Variants in VPS37A observed in about 807,000 individuals in gnomAD.
VPS37A encodes vacuolar protein sorting-associated protein 37A.
In VPS37A, 30 loss-of-function variants were observed where a neutral mutation model predicts 49.8. That is an observed-to-expected ratio of 0.60 (90% CI 0.45 to 0.82). VPS37A has a LOEUF of 0.82. Ranked by LOEUF, VPS37A falls within the 40% of genes least tolerant of loss-of-function variation. The pLI is 0.00. For missense variants in VPS37A, 593 were observed against 464.4 expected (o/e 1.28, Z -2.55); for synonymous variants, 195 against 160.6 (o/e 1.21, Z -1.62).
At chr8:17,322,582 G>A in the VPS37A span, among the ~76,000 whole-genome samples, 1 of 152,184 alleles carries the variant, frequency 6.6e-6, no homozygotes, top group African/African-American at 2.4e-5. Context: ...AACTTTGGGA[G>A]GCCAAGGCAG....
At chr8:17,294,672 G>A (rs925215122) in intron 11 of VPS37A, among the ~76,000 whole-genome samples, 1 of 152,148 alleles carries the variant, frequency 6.6e-6, no homozygotes, top group African/African-American at 2.4e-5. Context: ...GGCTTCCCTT[G>A]GCTAGGGGAG....
chr8:17,274,279 A>T (rs1814288207), intron 4 of VPS37A, among the ~76,000 whole-genome samples: 1 of 152,252 alleles, frequency 6.6e-6, no homozygotes, highest in Non-Finnish European at 1.5e-5. Context: ...TTTTACTTCG[A>T]AATTTTCTAG....
In VPS37A at chr8:17,275,768, A is replaced by G. The variant is rs73669048; in HGVS notation, c.643-629A>G. The stretch of plus-strand genomic sequence containing the variant: ...ATATCACCCATAGCATTACTCAAGT[A>G]TGAAACCATAGTATATCCAACATTA... On this transcript the variant is annotated intron_variant, in intron 5 of 11. Coordinates refer to ENST00000324849, the MANE Select transcript of VPS37A (RefSeq NM_152415.3). Among the ~76,000 whole-genome samples, 1,065 of 152,324 alleles carry G rather than the reference A, an allele frequency of 7.0e-3. 22 individuals are homozygous for G. The highest frequency in any genetic ancestry group is 0.024 in the African/African-American group (1,009 of 41,568).
At chr8:17,291,960 T>A (rs1816198205) in intron 11 of VPS37A, among the ~76,000 whole-genome samples, 1 of 152,190 alleles carries the variant, frequency 6.6e-6, no homozygotes, top group African/African-American at 2.4e-5. Context: ...TGATTATGGG[T>A]GGATAGTTCT....
chr8:17,307,473 T>C, the VPS37A span, among the ~76,000 whole-genome samples: 14 of 152,112 alleles, frequency 9.2e-5, no homozygotes, highest in Non-Finnish European at 1.5e-4. Flanking sequence ...TGGAAGTCAG[T>C]GTGGCGATTC....
In VPS37A at chr8:17,271,800, G is replaced by A. The variant is rs534391534; in HGVS notation, c.416+2844G>A. 3.3e-5 allele frequency among the ~76,000 whole-genome samples: 5 copies of A among 152,294 alleles called. No individual in the cohort carries two copies. In the East Asian group the frequency reaches 5.8e-4, roughly 18 times the overall value. On this transcript the variant is annotated intron_variant, in intron 4 of 11. Coordinates refer to ENST00000324849, the MANE Select transcript of VPS37A (RefSeq NM_152415.3). ...GACAGCACTCTGAGGCTCTGCCTTG[G>A]CTCTTCCAGAGGTGTTAACAAAGGA...
downstream of VPS37A, chr8:17,302,559 C>G (rs73550094): frequency 0.016 from 4,652 of 285,588 alleles, 208 homozygotes; most frequent in African/African-American, 0.092. Flanking sequence ...GTACATGTAA[C>G]CATTACCTTT....
chr8:17,279,370 T>G (rs1434739564), intron 6 of VPS37A, among the ~76,000 whole-genome samples: 1 of 152,094 alleles, frequency 6.6e-6, no homozygotes, highest in Non-Finnish European at 1.5e-5. Flanking sequence ...TTCAGCTCTG[T>G]TTCCCTCTTA....
At chr8:17,302,744 C>A (rs1211892171), downstream of VPS37A, among the ~76,000 whole-genome samples, 14 of 111,952 alleles carry the variant, frequency 1.3e-4, no homozygotes, top group Non-Finnish European at 2.2e-4. Context: ...CAGAGTTTCG[C>A]TCTTGTCACC....
downstream of VPS37A, chr8:17,302,296 A>C: frequency 6.2e-7 from 1 of 1,611,790 alleles, no homozygotes; most frequent in Non-Finnish European, 8.5e-7. Flanking sequence ...AAGGATGGCA[A>C]AGCGTCGTGA....
chr8:17,317,406 C>A, the VPS37A span, among the ~76,000 whole-genome samples: 2 of 152,170 alleles, frequency 1.3e-5, no homozygotes, highest in African/African-American at 4.8e-5. Flanking sequence ...ATGCCAGTGT[C>A]CTAAGAGGAC....
chr8:17,317,789 T>C, the VPS37A span, among the ~76,000 whole-genome samples: 2 of 152,214 alleles, frequency 1.3e-5, no homozygotes, highest in Admixed American at 6.5e-5. Flanking sequence ...ACTTCCGCCA[T>C]AAATTGCAGC....
intron 1 of VPS37A, chr8:17,247,613 G>T (rs577966865): frequency 2.8e-6 from 2 of 706,400 alleles, no homozygotes; most frequent in Non-Finnish European, 5.1e-6. Context: ...CATCCCTCCT[G>T]ACACATAGCT....
At chr8:17,269,337 A>G (rs74962716) in intron 4 of VPS37A, among the ~76,000 whole-genome samples, 2,234 of 152,232 alleles carry the variant, frequency 0.015, 39 homozygotes, top group Middle Eastern at 0.044. Flanking sequence ...GTGACTCTCA[A>G]TATTGTCCAT....
intron 1 of VPS37A, among the ~76,000 whole-genome samples, chr8:17,254,555 C>T (rs1461633448): frequency 6.6e-6 from 1 of 152,162 alleles, no homozygotes; most frequent in East Asian, 1.9e-4. Context: ...CTTAGAGGAC[C>T]TTCAAACTGC....
downstream of VPS37A, among the ~76,000 whole-genome samples, chr8:17,307,065 TGCACAGCA>T (rs1817500879): frequency 6.6e-6 from 1 of 152,174 alleles, no homozygotes; most frequent in South Asian, 2.1e-4. Context: ...AAAGAGCTTC[TGCACAGCA>T]GAAGAAACTA....
At chr8:17,257,811 T>C (rs1329099451) in intron 1 of VPS37A, among the ~76,000 whole-genome samples, 2 of 152,196 alleles carry the variant, frequency 1.3e-5, no homozygotes, top group African/African-American at 4.8e-5. Flanking sequence ...CCTCTTCAAT[T>C]TCTTTCATCA....
In VPS37A at chr8:17,247,194, G is replaced by A; in HGVS notation, c.-51G>A. ...GAGAACCGCCGGGCCGAGCCACTGGGAGAAGCAGGCCAGAGCCTTCCAGGG... is the reference window on the plus strand; with the variant it reads ...GAGAACCGCCGGGCCGAGCCACTGGAAGAAGCAGGCCAGAGCCTTCCAGGG... On this transcript the variant is annotated 5_prime_UTR_variant, in exon 1 of 12. Transcript: ENST00000324849. The A allele has an allele frequency of 6.4e-7, 1 of 1,554,214 alleles. No individual in the cohort carries two copies. Among genetic ancestry groups the A allele is most frequent in the Non-Finnish European group, 8.7e-7 (1 of 1,149,164 alleles).
the VPS37A span, among the ~76,000 whole-genome samples, chr8:17,318,062 C>T: frequency 1.3e-5 from 2 of 151,962 alleles, no homozygotes; most frequent in Non-Finnish European, 2.9e-5. Context: ...TCAAACTGAG[C>T]TGTTAAAAAA....
Sources: allele counts gnomAD v4.1 joint callset (sites outside exome capture counted in the v4.1 genomes callset), GRCh38; gene constraint gnomAD v4.1.1; transcripts MANE v1.5; gene names NCBI Gene and HGNC (gene_info 2026-07-23, HGNC 2026-07-21).